The following PLCXD1 variants were observed in gnomAD, a reference collection of about 807,000 sequenced individuals.
The protein encoded by PLCXD1 is PI-PLC X domain-containing protein 1.
PLCXD1 carries 45 observed loss-of-function variants against 37.8 expected under a neutral mutation model. The ratio of observed to expected loss-of-function variants is 1.19; its 90% CI spans 0.94 to 1.53. The LOEUF (loss-of-function observed/expected upper bound fraction) is 1.53, where lower values mean the gene tolerates loss of function less well. Among genes scored for constraint, PLCXD1 ranks in the 40% most tolerant of loss-of-function variants. PLCXD1 has a pLI of 0.00. For missense variants in PLCXD1, 539 were observed against 454.7 expected (o/e 1.19, Z -1.69); for synonymous variants, 246 against 206.9 (o/e 1.19, Z -1.62).
At chrX:295,788 A>G (rs1167304903) in intron 6 of PLCXD1, among the ~76,000 whole-genome samples, 2 of 151,216 alleles carry the variant, frequency 1.3e-5, no homozygotes, top group Non-Finnish European at 2.9e-5. Flanking sequence ...CAGTCTCCCA[A>G]AGTGCTGGGA....
chrX:289,605 G>A (rs1359087227), intron 3 of PLCXD1, among the ~76,000 whole-genome samples: 6 of 146,636 alleles, frequency 4.1e-5, no homozygotes, highest in Middle Eastern at 3.4e-3. Flanking sequence ...TCCGCCTCCC[G>A]GGTTCACGCC....
chrX:291,789 CTG>C, intron 5 of PLCXD1, 135 bp downstream of exon 5: 1 of 985,414 alleles, frequency 1.0e-6, no homozygotes, highest in Non-Finnish European at 1.6e-6. Context: ...CGGGGGCTGC[CTG>C]CTCTCCCGCA....
chrX:299,103 T>G lies in PLCXD1; in HGVS notation c.740T>G (p.Leu247Trp). 3 of 1,613,302 alleles carry G rather than the reference T, an allele frequency of 1.9e-6. No homozygotes were observed. The highest frequency in any genetic ancestry group is 2.2e-5 in the East Asian group (1 of 44,864). Residue 247 changes from leucine (L) to tryptophan (W), a missense_variant, in exon 7 of 7, where the codon TTG becomes TGG. Coordinates refer to ENST00000381657, the MANE Select transcript of PLCXD1 (RefSeq NM_018390.4). The stretch of plus-strand genomic sequence containing the variant: ...CCCACCCTCACCGTTGCAGGAGGGT[T>G]GTTCGTGGCCGGCATCAACCTCACG... ...TMKSCGRPGG[L>W]FVAGINLTEN...
chrX:295,667 G>A (rs1406199563), intron 6 of PLCXD1, among the ~76,000 whole-genome samples: 8 of 151,136 alleles, frequency 5.3e-5, no homozygotes, highest in Non-Finnish European at 7.4e-5. Flanking sequence ...TGGGACTACA[G>A]GCGCCCGCCA....
chrX:282,984 ATATAT>A lies in PLCXD1; in HGVS notation c.-21-1177_-21-1173del, dbSNP rs999676468. Among the ~76,000 whole-genome samples the A allele has an allele frequency of 5.1e-4, 75 of 146,350 alleles. 1 individual carries two copies. The South Asian group carries it at 8.4e-3, about 16-fold the overall frequency. On this transcript the variant is annotated intron_variant, in intron 1 of 6. Transcript: ENST00000381657. ...TATATGTATATATTATATGTATAAT[ATATAT>A]TATATGTATATATTATATATGTTAT...
At chrX:285,757 A>G (rs1160073292) in intron 2 of PLCXD1, among the ~76,000 whole-genome samples, 4 of 152,208 alleles carry the variant, frequency 2.6e-5, no homozygotes, top group Non-Finnish European at 5.9e-5. Flanking sequence ...ACACATACAC[A>G]TGCACACAGA....
rs1007866000 is a variant in PLCXD1 at position 300,463 on chromosome X, T to C, written c.*1128T>C. 8.9e-6 allele frequency: 1 copy of C among 112,654 alleles called. No homozygotes were observed. The highest frequency in any genetic ancestry group is 1.9e-5 in the Non-Finnish European group (1 of 53,028). The allele number at this position is 112,654 out of a possible 1,614,324, so 7.0% of individuals were successfully genotyped here. On this transcript the variant is annotated 3_prime_UTR_variant, in exon 7 of 7. Transcript: ENST00000381657. ...GTATGTATGTTTATACATGTGTATA[T>C]GTGTGTGTGTGTGTGTATATGTGTG...
upstream of PLCXD1, among the ~76,000 whole-genome samples, chrX:280,225 G>A (rs1211111073): frequency 1.3e-5 from 2 of 152,030 alleles, no homozygotes; most frequent in Non-Finnish European, 2.9e-5. Context: ...GGCTCACAGC[G>A]GCCCTGCTGG....
chrX:287,569 TTA>T (rs1223526447), intron 2 of PLCXD1, among the ~76,000 whole-genome samples: 2 of 95,392 alleles, frequency 2.1e-5, no homozygotes, highest in African/African-American at 4.7e-5. Flanking sequence ...CTATATATGT[TTA>T]TATATAGATA....
intron 2 of PLCXD1, among the ~76,000 whole-genome samples, chrX:285,544 CAG>C (rs2069425551): frequency 1.2e-5 from 1 of 85,422 alleles, no homozygotes; most frequent in Non-Finnish European, 2.5e-5. Context: ...TGCATGCACA[CAG>C]ACATACACAT....
chrX:287,890 T>C (rs751366249), intron 2 of PLCXD1, among the ~76,000 whole-genome samples: 43 of 152,088 alleles, frequency 2.8e-4, no homozygotes, highest in African/African-American at 1.0e-3. Flanking sequence ...TGAGCACACG[T>C]CAGGAGGCGG....
At position 288,798 on chromosome X, in the gene PLCXD1, C is replaced by T. The variant is rs1165406350; in HGVS notation, c.193C>T (p.Leu65=). ...CCCCATTTCGCACGAGGAGTCCCGG[C>T]TGCTGCAGCTGCTGAACAAGGCCTT... is the stretch of plus-strand genomic sequence containing the variant. ...KSPISHEESR[L]LQLLNKALPC... is the part of the protein sequence containing the mutation. The change falls in exon 3 of 7, where the codon CTG becomes TTG. Residue 65 remains leucine (L), a synonymous_variant. Coordinates refer to ENST00000381657, the MANE Select transcript of PLCXD1 (RefSeq NM_018390.4). 2 of 1,613,620 alleles carry T rather than the reference C, an allele frequency of 1.2e-6. No individual in the cohort carries two copies. The highest frequency in any genetic ancestry group is 1.1e-5 in the South Asian group (1 of 91,062).
In PLCXD1 at chrX:293,148, G is replaced by T; in HGVS notation, c.663G>T (p.Trp221Cys). 1 of 1,612,522 alleles carries T rather than the reference G, an allele frequency of 6.2e-7. No homozygotes were observed. The highest frequency in any genetic ancestry group is 8.5e-7 in the Non-Finnish European group (1 of 1,179,528). The change falls in exon 6 of 7, where the codon TGG (tryptophan) becomes TGT (cysteine). Residue 221 changes from tryptophan to cysteine, a missense_variant. Physicochemically the swap from Trp to Cys is radical, Grantham distance 215. Transcript: ENST00000381657. ...AGCTGTGGCCAGGAGTCCCCTACTG[G>T]TGGGGAAACAGGGTGAAGACCGAGG... Reference protein sequence around the residue: ...HHELWPGVPYWWGNRVKTEAL... With the variant: ...HHELWPGVPYCWGNRVKTEAL...
chrX:285,850 A>T (rs2069438452), intron 2 of PLCXD1, among the ~76,000 whole-genome samples: 1 of 152,162 alleles, frequency 6.6e-6, no homozygotes, highest in Non-Finnish European at 1.5e-5. Context: ...TGAGGACTGC[A>T]GCCCAGGAAA....
At chrX:289,133 G>T (rs1242242660) in intron 3 of PLCXD1, among the ~76,000 whole-genome samples, 1 of 152,130 alleles carries the variant, frequency 6.6e-6, no homozygotes, top group African/African-American at 2.4e-5. Flanking sequence ...TCTTACCCGG[G>T]CTGGAGTGCA....
At chrX:288,417 G>A (rs2069524161) in intron 2 of PLCXD1, among the ~76,000 whole-genome samples, 1 of 152,188 alleles carries the variant, frequency 6.6e-6, no homozygotes, top group African/African-American at 2.4e-5. Flanking sequence ...TCTCCACGAG[G>A]CCTCCTCCTC....
chrX:292,077 G>A (rs1400864285), intron 5 of PLCXD1, among the ~76,000 whole-genome samples: 3 of 152,080 alleles, frequency 2.0e-5, no homozygotes, highest in Admixed American at 6.6e-5. Context: ...CGAGGCGGGC[G>A]GATCACGAGG....
At chrX:278,525 C>T (rs772518489), upstream of PLCXD1, among the ~76,000 whole-genome samples, 139 of 151,974 alleles carry the variant, frequency 9.1e-4, no homozygotes, top group African/African-American at 3.1e-3. Flanking sequence ...GATCACCTGA[C>T]GTCAGGAGTT....
chrX:282,042 C>G (rs60177123), intron 1 of PLCXD1, among the ~76,000 whole-genome samples: 4 of 152,064 alleles, frequency 2.6e-5, no homozygotes, highest in Non-Finnish European at 4.4e-5. Flanking sequence ...GCCACCGTGC[C>G]CGGCCCCTCC....
Sources: allele counts gnomAD v4.1 joint callset (sites outside exome capture counted in the v4.1 genomes callset), GRCh38; gene constraint gnomAD v4.1.1; transcripts MANE v1.5; gene names NCBI Gene and HGNC (gene_info 2026-07-23, HGNC 2026-07-21).